Variants in CNTN4 observed in about 807,000 individuals in gnomAD.
CNTN4 encodes the protein contactin-4.
A neutral mutation model predicts 122.5 loss-of-function variants in CNTN4; 77 were observed. The observed-to-expected ratio is 0.63, with a 90% CI of 0.52 to 0.76. The LOEUF (loss-of-function observed/expected upper bound fraction) is 0.76, where lower values mean the gene tolerates loss of function less well. CNTN4 is among the 30% of genes least tolerant of loss of function. The probability of loss-of-function intolerance (pLI) is 0.00; values close to 1 mark genes in which losing one functional copy is unlikely to be tolerated. For synonymous variants in CNTN4, 512 were observed against 447.0 expected, an observed-to-expected ratio of 1.15 and a Z score of -1.83; for missense variants, 1,256 against 1,259.1, an observed-to-expected ratio of 1.00 and a Z score of 0.04.
intron 7 of CNTN4, among the ~76,000 whole-genome samples, chr3:2,845,599 G>A (rs1249835305): frequency 1.3e-5 from 2 of 152,124 alleles, no homozygotes; most frequent in Non-Finnish European, 2.9e-5. Context: ...GGACAAGCGG[G>A]TTTTTCACAT....
At chr3:2,417,395 T>C (rs991427797) in intron 3 of CNTN4, among the ~76,000 whole-genome samples, 1 of 152,218 alleles carries the variant, frequency 6.6e-6, no homozygotes, top group Non-Finnish European at 1.5e-5. Context: ...GTAACCTCAA[T>C]TCCACAATCA....
chr3:2,911,670 A>AGAT, intron 12 of CNTN4, among the ~76,000 whole-genome samples: 1 of 152,280 alleles, frequency 6.6e-6, no homozygotes, highest in African/African-American at 2.4e-5. Context: ...CAGTACAGAT[A>AGAT]GATAACTAAA....
intron 3 of CNTN4, among the ~76,000 whole-genome samples, chr3:2,359,844 T>C (rs1047107740): frequency 8.5e-5 from 13 of 152,164 alleles, no homozygotes; most frequent in Admixed American, 5.9e-4. Flanking sequence ...TGGCCGTATA[T>C]ATGATTGTTT....
intron 2 of CNTN4, among the ~76,000 whole-genome samples, chr3:2,332,867 TTAAAG>T (rs1457677014): frequency 1.3e-5 from 2 of 151,842 alleles, no homozygotes. Flanking sequence ...ACCCTAAAAC[TTAAAG>T]TATAATAATA....
chr3:3,019,594 C>A (rs1409519587), intron 14 of CNTN4, among the ~76,000 whole-genome samples: 1 of 151,336 alleles, frequency 6.6e-6, no homozygotes, highest in African/African-American at 2.4e-5. Flanking sequence ...GGTAGCCAGC[C>A]AAAATACTCA....
chr3:2,738,868 G>GA (rs1048602638), intron 5 of CNTN4, among the ~76,000 whole-genome samples: 1 of 151,568 alleles, frequency 6.6e-6, no homozygotes, highest in African/African-American at 2.4e-5. Context: ...AAATATGACA[G>GA]AAAAAATACA....
intron 7 of CNTN4, among the ~76,000 whole-genome samples, chr3:2,834,038 C>T (rs896954003): frequency 7.2e-5 from 11 of 151,808 alleles, no homozygotes; most frequent in South Asian, 6.2e-4. Flanking sequence ...CCCAGCTACT[C>T]GGGAGGCTGA....
intron 4 of CNTN4, among the ~76,000 whole-genome samples, chr3:2,651,507 G>A (rs1036646666): frequency 6.6e-6 from 1 of 151,944 alleles, no homozygotes; most frequent in Non-Finnish European, 1.5e-5. Flanking sequence ...TATAATCTGG[G>A]TGTTACACTG....
At chr3:2,924,994 T>C (rs1277162530) in intron 12 of CNTN4, among the ~76,000 whole-genome samples, 2 of 152,246 alleles carry the variant, frequency 1.3e-5, no homozygotes, top group Non-Finnish European at 2.9e-5. Flanking sequence ...CTTTCAATTT[T>C]CTGAAATTTT....
At chr3:2,206,429 A>G (rs1242873915) in intron 2 of CNTN4, among the ~76,000 whole-genome samples, 1 of 152,072 alleles carries the variant, frequency 6.6e-6, no homozygotes, top group Non-Finnish European at 1.5e-5. Flanking sequence ...AAATCAATAT[A>G]CATTTGTGTC....
At chr3:2,380,651 A>G (rs1437832348) in intron 3 of CNTN4, among the ~76,000 whole-genome samples, 1 of 151,962 alleles carries the variant, frequency 6.6e-6, no homozygotes, top group African/African-American at 2.4e-5. Context: ...CTATTGCCAA[A>G]TTCAGTATAT....
chr3:2,489,126 T>G (rs991378517), intron 3 of CNTN4, among the ~76,000 whole-genome samples: 4 of 152,226 alleles, frequency 2.6e-5, no homozygotes, highest in Non-Finnish European at 4.4e-5. Flanking sequence ...CTCAGTTTAC[T>G]TTTTGGTGCA....
Position 2,497,923 on chromosome 3 carries a change from G to A in CNTN4, c.-88-73493G>A, listed in dbSNP as rs115166960. Among the ~76,000 whole-genome samples, 566 of 152,094 alleles carry A rather than the reference G, an allele frequency of 3.7e-3. 4 individuals carry two copies. The highest frequency in any genetic ancestry group is 0.017 in the Middle Eastern group (5 of 294). The stretch of plus-strand genomic sequence containing the variant: ...AATATGAGTTGAGTGAATCCTCTCA[G>A]TTATTTACTTGCTCACTTCTACTCT... On this transcript the variant is annotated intron_variant, in intron 3 of 24. Coordinates refer to ENST00000418658, the MANE Select transcript of CNTN4 (RefSeq NM_175607.3).
intron 2 of CNTN4, among the ~76,000 whole-genome samples, chr3:2,108,903 T>A (rs1437732075): frequency 6.6e-6 from 1 of 152,110 alleles, no homozygotes; most frequent in Non-Finnish European, 1.5e-5. Flanking sequence ...TTATTCACTT[T>A]TAAGTATCTC....
At chr3:2,707,164 G>T (rs779157492) in intron 4 of CNTN4, among the ~76,000 whole-genome samples, 4 of 151,692 alleles carry the variant, frequency 2.6e-5, no homozygotes, top group Admixed American at 1.3e-4. Flanking sequence ...AAATTAGACG[G>T]GCATGGTGAT....
chr3:2,226,623 A>G (rs2039293480), intron 2 of CNTN4, among the ~76,000 whole-genome samples: 1 of 152,252 alleles, frequency 6.6e-6, no homozygotes, highest in East Asian at 1.9e-4. Flanking sequence ...TTAGATTTCC[A>G]CTGCACCTTC....
intron 2 of CNTN4, among the ~76,000 whole-genome samples, chr3:2,304,625 G>A (rs566371786): frequency 7.3e-4 from 111 of 152,012 alleles, no homozygotes; most frequent in African/African-American, 2.6e-3. Flanking sequence ...AATAATAAAG[G>A]CGAGGAGTTG....
At chr3:2,380,999 TG>T (rs2045996330) in intron 3 of CNTN4, among the ~76,000 whole-genome samples, 1 of 151,996 alleles carries the variant, frequency 6.6e-6, no homozygotes, top group Non-Finnish European at 1.5e-5. Flanking sequence ...TGTTTTGTTT[TG>T]TTTTTTTCTT....
chr3:2,099,775 G>C (rs1343976692), intron 1 of CNTN4: 2 of 152,296 alleles, frequency 1.3e-5, no homozygotes, highest in Admixed American at 1.3e-4. Flanking sequence ...CCCGGGCCCA[G>C]ACGGCGGCGA....
Sources: allele counts gnomAD v4.1 joint callset (sites outside exome capture counted in the v4.1 genomes callset), GRCh38; gene constraint gnomAD v4.1.1; transcripts MANE v1.5; gene names NCBI Gene and HGNC (gene_info 2026-07-23, HGNC 2026-07-21).